SEMA5A: variants seen among roughly 807,000 people sequenced by gnomAD.
The protein encoded by SEMA5A is semaphorin 5A.
Under a neutral mutation model 135.5 loss-of-function variants are expected in SEMA5A, and 55 were observed. That is an observed-to-expected ratio of 0.41 (90% CI 0.33 to 0.51). The LOEUF (loss-of-function observed/expected upper bound fraction) is 0.51, where lower values mean the gene tolerates loss of function less well. Among genes scored for constraint, SEMA5A ranks in the 20% least tolerant of loss-of-function variants. The pLI, the probability that SEMA5A is intolerant of heterozygous loss-of-function variation, is 0.37. For missense variants in SEMA5A, 1,290 were observed against 1,419.9 expected, an observed-to-expected ratio of 0.91 and a Z score of 1.47; for synonymous variants, 580 against 546.5, an observed-to-expected ratio of 1.06 and a Z score of -0.85.
intron 1 of SEMA5A, among the ~76,000 whole-genome samples, chr5:9,515,770 G>A (rs867235663): frequency 6.6e-6 from 1 of 152,208 alleles, no homozygotes; most frequent in Admixed American, 6.5e-5. Flanking sequence ...CTTAATGTCA[G>A]TGTAAAATCT....
intron 21 of SEMA5A, among the ~76,000 whole-genome samples, chr5:9,046,790 T>C (rs1465224400): frequency 1.3e-5 from 2 of 152,192 alleles, no homozygotes; most frequent in South Asian, 2.1e-4. Flanking sequence ...TTCGGGTGCA[T>C]GGACACTGTG....
intron 15 of SEMA5A, among the ~76,000 whole-genome samples, chr5:9,118,613 G>A (rs1239048391): frequency 6.6e-6 from 1 of 152,052 alleles, no homozygotes; most frequent in Non-Finnish European, 1.5e-5. Flanking sequence ...GTCTGCATCC[G>A]GGACCTTCTT....
intron 5 of SEMA5A, among the ~76,000 whole-genome samples, chr5:9,257,398 C>A (rs1406241795): frequency 6.6e-6 from 1 of 151,834 alleles, no homozygotes; most frequent in East Asian, 1.9e-4. Flanking sequence ...CACAACTATT[C>A]TAAGTGGAAA....
intron 8 of SEMA5A, among the ~76,000 whole-genome samples, chr5:9,220,066 G>C (rs1746847706): frequency 1.3e-5 from 2 of 152,182 alleles, no homozygotes; most frequent in African/African-American, 4.8e-5. Context: ...AACTTGGAAG[G>C]AGCTGGAGAT....
chr5:9,284,376 C>T (rs1326691652), intron 5 of SEMA5A, among the ~76,000 whole-genome samples: 1 of 152,102 alleles, frequency 6.6e-6, no homozygotes, highest in African/African-American at 2.4e-5. Context: ...AGCAAAAGAC[C>T]TTCAGTTTCA....
At chr5:9,375,584 T>G (rs1017178163) in intron 3 of SEMA5A, among the ~76,000 whole-genome samples, 13 of 148,780 alleles carry the variant, frequency 8.7e-5, no homozygotes, top group African/African-American at 3.2e-4. Context: ...GAAGAGACAA[T>G]TAGGTTGTTT....
intron 5 of SEMA5A, among the ~76,000 whole-genome samples, chr5:9,274,202 T>TA (rs1170324493): frequency 6.6e-6 from 1 of 151,936 alleles, no homozygotes; most frequent in Non-Finnish European, 1.5e-5. Flanking sequence ...TAGTCTCTGA[T>TA]AAAAACAGAC....
intron 1 of SEMA5A, among the ~76,000 whole-genome samples, chr5:9,541,314 G>A (rs967712636): frequency 4.6e-5 from 7 of 152,134 alleles, no homozygotes; most frequent in African/African-American, 1.7e-4. Flanking sequence ...ACATAAAAAT[G>A]TAACATAAAA....
chr5:9,358,737 C>T (rs1754560738), intron 3 of SEMA5A, among the ~76,000 whole-genome samples: 1 of 152,148 alleles, frequency 6.6e-6, no homozygotes, highest in South Asian at 2.1e-4. Flanking sequence ...TCAGTGCACC[C>T]TCTATGTTGA....
intron 1 of SEMA5A, among the ~76,000 whole-genome samples, chr5:9,491,637 G>A (rs1728946432): frequency 6.6e-6 from 1 of 152,154 alleles, no homozygotes; most frequent in Admixed American, 6.6e-5. Flanking sequence ...CAACTTCAGT[G>A]TTGTCTTTCA....
At chr5:9,203,689 A>G (rs909555389) in intron 8 of SEMA5A, among the ~76,000 whole-genome samples, 4 of 152,228 alleles carry the variant, frequency 2.6e-5, no homozygotes, top group African/African-American at 7.2e-5. Context: ...TTTATGTATG[A>G]TACTTTTCCC....
chr5:9,427,923 G>T (rs1184044704), intron 2 of SEMA5A, among the ~76,000 whole-genome samples: 1 of 151,584 alleles, frequency 6.6e-6, no homozygotes, highest in African/African-American at 2.4e-5. Flanking sequence ...AATGCAGTAG[G>T]GTTTCATCCA....
At chr5:9,196,740 G>A (rs574392923) in intron 10 of SEMA5A, among the ~76,000 whole-genome samples, 1 of 152,238 alleles carries the variant, frequency 6.6e-6, no homozygotes, top group Non-Finnish European at 1.5e-5. Context: ...TCCCAACAGG[G>A]AATCCCACCA....
At position 9,037,222 on chromosome 5, in the gene SEMA5A, A is replaced by G. The variant is rs1031258034; in HGVS notation, c.*5675T>C. ...GACTAGTTCCTGCCATTGCGCCAAC[A>G]CTGTAAAACATGTTTGCTTGAGCAA... On this transcript the variant is annotated 3_prime_UTR_variant, in exon 23 of 23. Transcript: ENST00000382496. 2 of 152,222 alleles carry G rather than the reference A, an allele frequency of 1.3e-5. No individual in the cohort carries two copies. The highest frequency in any genetic ancestry group is 2.9e-5 in the Non-Finnish European group (2 of 68,046). The allele number at this position is 152,222 out of a possible 1,614,324, so 9.4% of individuals were successfully genotyped here.
chr5:9,079,167 C>A (rs1482508760), intron 16 of SEMA5A, among the ~76,000 whole-genome samples: 2 of 152,040 alleles, frequency 1.3e-5, no homozygotes, highest in Non-Finnish European at 2.9e-5. Flanking sequence ...TTAAAACTAA[C>A]ACTCCTTAGC....
chr5:9,509,344 G>A (rs7710025), intron 1 of SEMA5A, among the ~76,000 whole-genome samples: 45,373 of 151,772 alleles, frequency 0.3, 7,064 homozygotes, highest in East Asian at 0.54. Flanking sequence ...GCATGATCTC[G>A]GCTCACTGCA....
chr5:9,142,571 G>T (rs1016812575), intron 12 of SEMA5A, among the ~76,000 whole-genome samples: 3 of 152,182 alleles, frequency 2.0e-5, no homozygotes, highest in Admixed American at 1.3e-4. Flanking sequence ...AACTGCCTAT[G>T]AATTATCCCT....
At chr5:9,419,138 T>C (rs1056079399) in intron 2 of SEMA5A, among the ~76,000 whole-genome samples, 8 of 152,176 alleles carry the variant, frequency 5.3e-5, no homozygotes, top group Non-Finnish European at 8.8e-5. Context: ...CTAGGAGTTA[T>C]TCAGGAGTAA....
At chr5:9,368,502 T>C (rs1755006768) in intron 3 of SEMA5A, among the ~76,000 whole-genome samples, 1 of 152,216 alleles carries the variant, frequency 6.6e-6, no homozygotes, top group Non-Finnish European at 1.5e-5. Context: ...CTCTTCATCT[T>C]GATATAGAAT....
Sources: gnomAD v4.1 joint callset for allele counts (sites outside exome capture counted in the v4.1 genomes callset) on GRCh38, gnomAD v4.1.1 for gene constraint, MANE v1.5 for transcripts, NCBI Gene and HGNC (gene_info 2026-07-23, HGNC 2026-07-21) for gene names.